SGCZ: variants seen among roughly 807,000 people sequenced by gnomAD.
SGCZ encodes zeta-sarcoglycan.
In SGCZ, 40 loss-of-function variants were observed where a neutral mutation model predicts 41.3. That is an observed-to-expected ratio of 0.97 (90% CI 0.75 to 1.26). The LOEUF (loss-of-function observed/expected upper bound fraction) is 1.26, where lower values mean the gene tolerates loss of function less well. Ranked by LOEUF, SGCZ falls within the 50% of genes most tolerant of loss-of-function variation. The pLI is 0.00. For missense variants in SGCZ, 552 were observed against 369.8 expected (o/e 1.49, Z -4.04); for synonymous variants, 206 against 137.5 (o/e 1.50, Z -3.49).
At chr8:14,447,752 C>T (rs1476903619) in intron 2 of SGCZ, among the ~76,000 whole-genome samples, 1 of 152,172 alleles carries the variant, frequency 6.6e-6, no homozygotes, top group African/African-American at 2.4e-5. Flanking sequence ...GAATGAAAGA[C>T]TCCATCTGGC....
intron 2 of SGCZ, among the ~76,000 whole-genome samples, chr8:14,392,829 G>GTT (rs10633806): frequency 0.51 from 77,943 of 151,806 alleles, 21,404 homozygotes; most frequent in African/African-American, 0.73. Flanking sequence ...CAAATTCTAA[G>GTT]TGAGATTTGC....
chr8:15,087,894 A>G (rs1806007010), intron 1 of SGCZ, among the ~76,000 whole-genome samples: 1 of 152,156 alleles, frequency 6.6e-6, no homozygotes, highest in Admixed American at 6.5e-5. Context: ...CTGTCTTACT[A>G]CTTACCATGT....
At chr8:14,255,735 T>C (rs183246279) in intron 3 of SGCZ, among the ~76,000 whole-genome samples, 59 of 152,276 alleles carry the variant, frequency 3.9e-4, no homozygotes, top group Non-Finnish European at 6.8e-4. Context: ...AGATATATGC[T>C]ACCTTTGCAG....
chr8:14,463,336 GTGTAGTAC>G (rs1800954983), intron 2 of SGCZ, among the ~76,000 whole-genome samples: 1 of 150,040 alleles, frequency 6.7e-6, no homozygotes, highest in African/African-American at 2.4e-5. Context: ...GTAATCAATA[GTGTAGTAC>G]TGGAATAAAC....
chr8:14,919,333 C>T (rs924693529), intron 1 of SGCZ, among the ~76,000 whole-genome samples: 4 of 152,010 alleles, frequency 2.6e-5, no homozygotes, highest in South Asian at 4.1e-4. Context: ...CCCAGCTACT[C>T]AGGGGGCTGA....
chr8:14,268,404 T>C (rs779622268), intron 3 of SGCZ, among the ~76,000 whole-genome samples: 1 of 151,002 alleles, frequency 6.6e-6, no homozygotes, highest in African/African-American at 2.4e-5. Context: ...CTTCATACCA[T>C]TTTTGCCTCT....
intron 1 of SGCZ, among the ~76,000 whole-genome samples, chr8:14,779,087 G>C (rs115417459): frequency 2.0e-5 from 3 of 152,262 alleles, no homozygotes; most frequent in Admixed American, 6.5e-5. Context: ...ATTTTCAAGA[G>C]AACTGTAATA....
At chr8:14,687,406 C>A (rs1330659065) in intron 1 of SGCZ, among the ~76,000 whole-genome samples, 2 of 149,890 alleles carry the variant, frequency 1.3e-5, no homozygotes, top group Non-Finnish European at 3.0e-5. Flanking sequence ...CATGTGTTCT[C>A]ATTGTTCAAT....
chr8:14,702,107 C>T (rs371724537), intron 1 of SGCZ, among the ~76,000 whole-genome samples: 5 of 151,986 alleles, frequency 3.3e-5, no homozygotes, highest in South Asian at 4.2e-4. Flanking sequence ...GACAATCCCC[C>T]GCCATTTTCA....
chr8:14,792,633 T>C (rs1448119716), intron 1 of SGCZ, among the ~76,000 whole-genome samples: 1 of 152,148 alleles, frequency 6.6e-6, no homozygotes, highest in East Asian at 1.9e-4. Context: ...TTGTTGCATA[T>C]GTATACATAT....
chr8:14,452,215 A>T (rs909909993), intron 2 of SGCZ, among the ~76,000 whole-genome samples: 3 of 152,176 alleles, frequency 2.0e-5, no homozygotes, highest in Non-Finnish European at 4.4e-5. Context: ...TCTGACAAAG[A>T]TTACATACTA....
chr8:14,831,870 G>T (rs552364214), intron 1 of SGCZ, among the ~76,000 whole-genome samples: 3 of 152,076 alleles, frequency 2.0e-5, no homozygotes, highest in East Asian at 3.9e-4. Flanking sequence ...GTATATGTGT[G>T]TATATGTATA....
At chr8:14,539,180 C>A (rs1018445093) in intron 2 of SGCZ, among the ~76,000 whole-genome samples, 6 of 151,986 alleles carry the variant, frequency 3.9e-5, no homozygotes, top group Admixed American at 3.9e-4. Context: ...CGGACTGGAA[C>A]TAAAGCATCG....
At chr8:14,416,491 A>G (rs1439886164) in intron 2 of SGCZ, among the ~76,000 whole-genome samples, 1 of 151,912 alleles carries the variant, frequency 6.6e-6, no homozygotes, top group Non-Finnish European at 1.5e-5. Context: ...TTCATAGAGA[A>G]TCTGTATACA....
chr8:14,139,392 A>C (rs963193869), intron 5 of SGCZ, among the ~76,000 whole-genome samples: 2 of 152,130 alleles, frequency 1.3e-5, no homozygotes, highest in African/African-American at 4.8e-5. Flanking sequence ...TCAAAAAATC[A>C]ATGAATCCAG....
intron 1 of SGCZ, among the ~76,000 whole-genome samples, chr8:14,918,646 T>A (rs1008484088): frequency 6.6e-6 from 1 of 152,204 alleles, no homozygotes; most frequent in African/African-American, 2.4e-5. Flanking sequence ...TCACTGAAAC[T>A]TTCTGTAAGA....
intron 2 of SGCZ, among the ~76,000 whole-genome samples, chr8:14,346,892 CT>C (rs1802907866): frequency 6.6e-6 from 1 of 151,886 alleles, no homozygotes; most frequent in Non-Finnish European, 1.5e-5. Context: ...TCTTTCCCAT[CT>C]TATAAACATT....
intron 1 of SGCZ, among the ~76,000 whole-genome samples, chr8:14,575,353 A>T (rs552798595): frequency 1.3e-5 from 2 of 152,344 alleles, no homozygotes; most frequent in South Asian, 4.1e-4. Context: ...GTGAAACCAG[A>T]ATCCTTAAAA....
intron 2 of SGCZ, among the ~76,000 whole-genome samples, chr8:14,449,127 G>A (rs552559138): frequency 3.9e-5 from 6 of 152,234 alleles, no homozygotes; most frequent in African/African-American, 9.6e-5. Context: ...CAAAACATTC[G>A]GGGAGGAATT....
Sources: gnomAD v4.1 joint callset for allele counts (sites outside exome capture counted in the v4.1 genomes callset) on GRCh38, gnomAD v4.1.1 for gene constraint, MANE v1.5 for transcripts, NCBI Gene and HGNC (gene_info 2026-07-23, HGNC 2026-07-21) for gene names.